HMCN1: variants seen among roughly 807,000 people sequenced by gnomAD.
HMCN1 encodes hemicentin-1.
HMCN1 carries 321 observed loss-of-function variants against 625.9 expected under a neutral mutation model. The observed-to-expected ratio is 0.51, with a 90% CI of 0.47 to 0.56. The LOEUF (loss-of-function observed/expected upper bound fraction) is 0.56. Ranked by LOEUF, HMCN1 falls within the 20% of genes least tolerant of loss-of-function variation. The pLI is 0.00. For missense variants in HMCN1, 6,588 were observed against 6,887.3 expected (o/e 0.96, Z 1.54); for synonymous variants, 2,425 against 2,417.6 (o/e 1.00, Z -0.09).
intron 1 of HMCN1, among the ~76,000 whole-genome samples, chr1:185,809,866 A>G (rs1298465178): frequency 1.3e-5 from 2 of 151,988 alleles, no homozygotes; most frequent in Admixed American, 6.6e-5. Flanking sequence ...CCTAGTGGAA[A>G]CTCCAAAATG....
intron 1 of HMCN1, among the ~76,000 whole-genome samples, chr1:185,814,528 C>T (rs963805515): frequency 1.3e-5 from 2 of 152,038 alleles, no homozygotes; most frequent in Admixed American, 6.6e-5. Context: ...TTAACCTAGT[C>T]AGTAGAAAAT....
At chr1:185,745,525 G>A (rs1263758453) in intron 1 of HMCN1, among the ~76,000 whole-genome samples, 2 of 150,806 alleles carry the variant, frequency 1.3e-5, no homozygotes, top group East Asian at 3.8e-4. Context: ...AGTCAGACTG[G>A]CACATAATCA....
intron 63 of HMCN1, 112 bp downstream of exon 63, chr1:186,088,867 T>A: frequency 9.4e-7 from 1 of 1,067,204 alleles, no homozygotes. Flanking sequence ...TATCTTTAGA[T>A]CATCAAAAAC....
intron 1 of HMCN1, among the ~76,000 whole-genome samples, chr1:185,773,664 T>C (rs1215641541): frequency 6.6e-6 from 1 of 152,178 alleles, no homozygotes; most frequent in Non-Finnish European, 1.5e-5. Context: ...TGGTCTATGA[T>C]AGAATGAGTA....
intron 1 of HMCN1, among the ~76,000 whole-genome samples, chr1:185,817,609 T>TATA (rs1659922955): frequency 1.3e-5 from 2 of 152,220 alleles, no homozygotes; most frequent in South Asian, 4.1e-4. Flanking sequence ...ATTCTGAAAG[T>TATA]CACTGGCCAC....
chr1:186,047,571 G>A (rs1558173792), intron 41 of HMCN1, among the ~76,000 whole-genome samples: 1 of 152,020 alleles, frequency 6.6e-6, no homozygotes, highest in Non-Finnish European at 1.5e-5. Context: ...GTTTTGCCTG[G>A]TACACACTAG....
chr1:185,968,011 A>G (rs1390820012), intron 14 of HMCN1, among the ~76,000 whole-genome samples: 1 of 152,198 alleles, frequency 6.6e-6, no homozygotes, highest in African/African-American at 2.4e-5. Context: ...GAATCAAAAC[A>G]CTACTGAAAT....
Position 186,103,618 on chromosome 1 carries a change from C to T in HMCN1, c.10720C>T (p.Gln3574Ter). 6.2e-7 allele frequency: 1 copy of T among 1,613,850 alleles called. No homozygotes were observed. Among genetic ancestry groups the T allele is most frequent in the South Asian group, 1.1e-5 (1 of 91,066 alleles). The change falls in exon 69 of 107, where the codon CAA becomes TAA. Residue 3574 changes from glutamine (Q) to a stop codon, truncating the protein, a stop_gained. Coordinates refer to ENST00000271588, the MANE Select transcript of HMCN1 (RefSeq NM_031935.3). LOFTEE classifies it high-confidence loss of function. ...KDGRPLPQTD[Q>*]VQTLGGGEVL... ...TGGCCGGCCCCTTCCACAGACGGAT[C>T]AAGTGCAAACTCTAGGAGGAGGAGA...
intron 1 of HMCN1, among the ~76,000 whole-genome samples, chr1:185,772,790 A>G (rs1404736132): frequency 6.6e-6 from 1 of 152,154 alleles, no homozygotes; most frequent in Non-Finnish European, 1.5e-5. Context: ...AAGGCTGGGA[A>G]GTCCAAGGTC....
intron 86 of HMCN1, among the ~76,000 whole-genome samples, chr1:186,133,597 T>A (rs1338106310): frequency 3.3e-5 from 5 of 152,198 alleles, no homozygotes; most frequent in Non-Finnish European, 7.3e-5. Flanking sequence ...AGGCTCAGTA[T>A]TTAACAGGGT....
At chr1:186,160,725 GCAGTTTTGAGTGAGTTTCT>G (rs1651402580) in intron 97 of HMCN1, among the ~76,000 whole-genome samples, 2 of 152,114 alleles carry the variant, frequency 1.3e-5, no homozygotes, top group African/African-American at 4.8e-5. Context: ...ATGTAGTTAA[GCAGTTTTGAGTGAGTTTCT>G]TAATCCTGAG....
At chr1:186,001,766 A>G (rs772903792) in intron 28 of HMCN1, 25 bp downstream of exon 28, 1 of 1,594,744 alleles carries the variant, frequency 6.3e-7, no homozygotes. Context: ...CTTTTAAAAA[A>G]CTACAATTCA....
rs1286169755 is a variant in HMCN1, at chr1:186,166,838, C to T, written c.15470C>T (p.Thr5157Ile). ...GATGAGTGTGCTTTGGGTAGGCATA[C>T]CTGCCACGCTGGTCAGGACTGTGAC... The part of the protein sequence containing the change: ...DIDECALGRH[T>I]CHAGQDCDNT... Residue 5157 changes from threonine to isoleucine, a missense_variant, in exon 100 of 107, where the codon ACC (threonine) becomes ATC (isoleucine). Thr to Ile is a moderately conservative substitution (Grantham distance 89). Around this residue, in one of 3 missense-constraint regions of HMCN1, gnomAD observed 1,954 missense variants for 2,013.1 expected, o/e 0.97. Coordinates refer to ENST00000271588, the MANE Select transcript of HMCN1 (RefSeq NM_031935.3). 9.9e-6 allele frequency: 16 copies of T among 1,614,148 alleles called. No individual in the cohort carries two copies. The highest frequency in any genetic ancestry group is 1.4e-5 in the Non-Finnish European group (16 of 1,180,010).
chr1:186,104,270 A>G lies in HMCN1; in HGVS notation c.10770+602A>G, dbSNP rs192528886. Among the ~76,000 whole-genome samples, 28 of 152,248 alleles carry G rather than the reference A, an allele frequency of 1.8e-4. No homozygotes were observed. In the East Asian group the frequency reaches 5.0e-3, roughly 27 times the overall value. On this transcript the variant is annotated intron_variant, in intron 69 of 106. Coordinates refer to ENST00000271588, the MANE Select transcript of HMCN1 (RefSeq NM_031935.3). Reference sequence around the variant, plus strand: ...TGAGCCCTAATGCCATCATTTATAAACTGGGGATAAAAGTAATAATCATGC... The same window carrying G: ...TGAGCCCTAATGCCATCATTTATAAGCTGGGGATAAAAGTAATAATCATGC...
At chr1:185,871,407 C>G (rs1410510680) in intron 4 of HMCN1, among the ~76,000 whole-genome samples, 2 of 152,102 alleles carry the variant, frequency 1.3e-5, no homozygotes, top group African/African-American at 2.4e-5. Flanking sequence ...CAGATATTTT[C>G]TGTGTGTCAG....
At chr1:185,773,975 T>G (rs1656423143) in intron 1 of HMCN1, among the ~76,000 whole-genome samples, 1 of 152,118 alleles carries the variant, frequency 6.6e-6, no homozygotes, top group Non-Finnish European at 1.5e-5. Context: ...AATGAAAGAC[T>G]TGTTAAAAGG....
At chr1:186,179,374 C>A (rs1318453722) in intron 104 of HMCN1, among the ~76,000 whole-genome samples, 1 of 152,160 alleles carries the variant, frequency 6.6e-6, no homozygotes, top group African/African-American at 2.4e-5. Context: ...ATTCACAAGT[C>A]TATAATTCCA....
At position 185,933,547 on chromosome 1, in the gene HMCN1, A is replaced by G. The variant is rs775843368; in HGVS notation, c.1553-2A>G. On this transcript the variant is annotated splice_acceptor_variant, in intron 10 of 106. Transcript: ENST00000271588. LOFTEE classifies it high-confidence loss of function. ...TGATTTGAATTTTTTGATTTCACAC[A>G]GAGCCCCCTCCGGTCATCCAAGTGC... 6.2e-7 allele frequency: 1 copy of G among 1,613,920 alleles called. No individual in the cohort carries two copies. The highest frequency in any genetic ancestry group is 2.2e-5 in the East Asian group (1 of 44,882).
At chr1:185,966,689 A>G (rs1028808065) in intron 14 of HMCN1, among the ~76,000 whole-genome samples, 3 of 152,116 alleles carry the variant, frequency 2.0e-5, no homozygotes, top group Admixed American at 6.6e-5. Flanking sequence ...ATACTTTTAA[A>G]TTTTCAGATG....
Sources: allele counts gnomAD v4.1 joint callset (sites outside exome capture counted in the v4.1 genomes callset), GRCh38; gene constraint gnomAD v4.1.1; regional missense constraint gnomAD v4.1.1; transcripts MANE v1.5; gene names NCBI Gene and HGNC (gene_info 2026-07-23, HGNC 2026-07-21).